Variants in NID1 observed in about 807,000 individuals in gnomAD.
The protein encoded by NID1 is nidogen 1, also known as nidogen-1.
NID1 carries 76 observed loss-of-function variants against 130.6 expected under a neutral mutation model. That is an observed-to-expected ratio of 0.58 (90% CI 0.48 to 0.70). The LOEUF is 0.70. NID1 is among the 30% of genes least tolerant of loss of function. The pLI is 0.00. For synonymous variants in NID1, 665 were observed against 675.1 expected (o/e 0.98, Z 0.23); for missense variants, 1,517 against 1,664.8 (o/e 0.91, Z 1.54).
intron 10 of NID1, among the ~76,000 whole-genome samples, chr1:236,015,831 T>C (rs541408366): frequency 9.2e-5 from 14 of 151,612 alleles, no homozygotes; most frequent in East Asian, 1.9e-4. Flanking sequence ...CCCAGAGAGG[T>C]TGTCTTCCTC....
At chr1:236,012,558 CAAAAAAA>C (rs56183830) in intron 11 of NID1, among the ~76,000 whole-genome samples, 5 of 98,078 alleles carry the variant, frequency 5.1e-5, no homozygotes, top group East Asian at 2.7e-4. Context: ...AATGCCATCT[CAAAAAAA>C]AAAAAAAAAA....
At position 235,993,669 on chromosome 1, in the gene NID1, T is replaced by G. The variant is rs1330358747; in HGVS notation, c.2731A>C (p.Thr911Pro). The G allele has an allele frequency of 6.4e-7, 1 of 1,571,300 alleles. No individual in the cohort carries two copies. Among genetic ancestry groups the G allele is most frequent in the Admixed American group, 1.8e-5 (1 of 56,066 alleles). ...RDGREVEGTR[T>P]RPGMTPPCLS... is the part of the protein sequence containing the mutation. ...CACGGGGGCGTCATCCCGGGCCTGG[T>G]CCTGGTGCCCTCCACCTCGCGGCCG... is the stretch of plus-strand genomic sequence containing the variant. Residue 911 changes from threonine (T) to proline (P), a missense_variant, in exon 13 of 20, where the codon ACC (threonine) becomes CCC (proline). Physicochemically the swap from Thr to Pro is conservative, Grantham distance 38. This residue lies in a region of NID1 where 1,329 missense variants were observed against 1,429.2 expected (regional missense o/e 0.93). Transcript: ENST00000264187.
chr1:236,005,450 T>A (rs1016919841), intron 12 of NID1, among the ~76,000 whole-genome samples: 1 of 152,214 alleles, frequency 6.6e-6, no homozygotes, highest in African/African-American at 2.4e-5. Context: ...GTCTGTTTTT[T>A]CTGATTGCAA....
chr1:236,026,861 C>A (rs1658947603), intron 7 of NID1, among the ~76,000 whole-genome samples: 5 of 152,008 alleles, frequency 3.3e-5, no homozygotes, highest in Admixed American at 3.3e-4. Context: ...ACCTCAGCCT[C>A]CCAAGTAGCT....
chr1:236,003,995 T>G (rs575546024), intron 12 of NID1, among the ~76,000 whole-genome samples: 1 of 140,772 alleles, frequency 7.1e-6, no homozygotes, highest in East Asian at 2.1e-4. Flanking sequence ...ATTGCGCCAC[T>G]GCACTCCAGC....
intron 2 of NID1, among the ~76,000 whole-genome samples, chr1:236,046,059 G>A (rs1481403104): frequency 1.3e-5 from 2 of 152,080 alleles, no homozygotes; most frequent in African/African-American, 2.4e-5. Context: ...CGCATTCATC[G>A]TTTAACAAAC....
intron 15 of NID1, 61 bp from the exon 16 acceptor site, chr1:235,981,843 TTTTCTGAATACTCAATGTTA>T: frequency 1.4e-6 from 2 of 1,454,020 alleles, no homozygotes; most frequent in Non-Finnish European, 1.9e-6. Context: ...GAGATGAGGT[TTTTCTGAATACTCAATGTTA>T]TTTCACATGG....
At chr1:235,996,431 G>A (rs1657923529) in intron 12 of NID1, among the ~76,000 whole-genome samples, 2 of 151,938 alleles carry the variant, frequency 1.3e-5, no homozygotes, top group Non-Finnish European at 2.9e-5. Flanking sequence ...TTTTAATTCT[G>A]TCCATTTTCA....
At chr1:236,057,914 C>T (rs372953910) in intron 1 of NID1, among the ~76,000 whole-genome samples, 1 of 152,206 alleles carries the variant, frequency 6.6e-6, no homozygotes, top group East Asian at 1.9e-4. Context: ...TTCTGTCTGC[C>T]CCTCTCTCTA....
intron 7 of NID1, 106 bp downstream of exon 7, chr1:236,029,444 T>G (rs1659032127): frequency 9.2e-7 from 1 of 1,086,700 alleles, no homozygotes; most frequent in Non-Finnish European, 1.3e-6. Flanking sequence ...TGTATTTCCC[T>G]CTCCAGATCC....
At chr1:236,048,371 T>A (rs1021841308) in intron 2 of NID1, among the ~76,000 whole-genome samples, 1 of 140,122 alleles carries the variant, frequency 7.1e-6, no homozygotes, top group Non-Finnish European at 1.6e-5. Context: ...ATAAATAAAT[T>A]ATCCTTCCAC....
At position 235,999,674 on chromosome 1, in the gene NID1, A is replaced by G. The variant is rs2102806452; in HGVS notation, c.2528-5802T>C. Among the ~76,000 whole-genome samples, 2 of 152,248 alleles carry G rather than the reference A, an allele frequency of 1.3e-5. 1 individual carries two copies. Among genetic ancestry groups the G allele is most frequent in the South Asian group, 4.2e-4 (2 of 4,818 alleles). Reference sequence around the variant, plus strand: ...GGGAAGAAAGCATTCAAGACCTGATACTTATCTGAGGAGTGGCAGGAAGTC... The same window carrying G: ...GGGAAGAAAGCATTCAAGACCTGATGCTTATCTGAGGAGTGGCAGGAAGTC... On this transcript the variant is annotated intron_variant, in intron 12 of 19. Transcript: ENST00000264187.
In NID1 at chr1:236,038,133, G is replaced by C. The variant is rs142173188; in HGVS notation, c.1256C>G (p.Thr419Arg). The change falls in exon 5 of 20, where the codon ACG (threonine) becomes AGG (arginine). Residue 419 changes from threonine (T) to arginine (R), a missense_variant. Transcript: ENST00000264187. ...TGCAACACATTGCCTGCCATTGCCCGTATAGCCAGCGACACAGCTGCAGCA... is the reference window on the plus strand; with the variant it reads ...TGCAACACATTGCCTGCCATTGCCCCTATAGCCAGCGACACAGCTGCAGCA... ...GFCCSCVAGY[T>R]GNGRQCVAEG... 1 of 1,606,086 alleles carries C rather than the reference G, an allele frequency of 6.2e-7. No homozygotes were observed. Among genetic ancestry groups the C allele is most frequent in the South Asian group, 1.1e-5 (1 of 90,532 alleles).
chr1:236,012,578 A>AAAAAAAAAAAAAAG (rs1553343926), intron 11 of NID1, among the ~76,000 whole-genome samples: 3 of 99,544 alleles, frequency 3.0e-5, no homozygotes, highest in African/African-American at 4.4e-5. Context: ...AAAAAAAAAA[A>AAAAAAAAAAAAAAG]AAAGAAAGAA....
At chr1:236,039,301 A>G (rs1434055649) in intron 4 of NID1, among the ~76,000 whole-genome samples, 1 of 151,116 alleles carries the variant, frequency 6.6e-6, no homozygotes, top group East Asian at 1.9e-4. Flanking sequence ...CAACCTTAAA[A>G]TATGTACATA....
At chr1:236,046,910 G>T (rs1002439573) in intron 2 of NID1, among the ~76,000 whole-genome samples, 4 of 152,204 alleles carry the variant, frequency 2.6e-5, no homozygotes, top group African/African-American at 9.6e-5. Flanking sequence ...AGCGGGGGAA[G>T]GGAAGAGGTA....
chr1:236,029,494 G>C lies in NID1; in HGVS notation c.1738+56C>G. ...GTTCACGGCTGCCGTGGTGGGTCAA[G>C]AGCACGAGGCTAGTGGCCGGTCTGG... On this transcript the variant is annotated intron_variant, in intron 7 of 19. Transcript: ENST00000264187. The C allele has an allele frequency of 2.0e-6, 3 of 1,515,948 alleles. No individual in the cohort carries two copies. The South Asian group carries it at 3.6e-5, about 18-fold the overall frequency. The allele number at this position is 1,515,948 out of a possible 1,614,324, so 93.9% of individuals were successfully genotyped here. A position where few individuals can be genotyped will look rare whatever the true frequency, so the allele number is the denominator to read the frequency against.
At chr1:236,022,907 C>T (rs986404492) in intron 9 of NID1, among the ~76,000 whole-genome samples, 5 of 151,414 alleles carry the variant, frequency 3.3e-5, no homozygotes, top group African/African-American at 9.7e-5. Flanking sequence ...ACTAAAAATA[C>T]AAAAATTAGC....
chr1:236,033,457 C>A (rs1344459828), intron 5 of NID1, among the ~76,000 whole-genome samples: 2 of 152,172 alleles, frequency 1.3e-5, no homozygotes, highest in African/African-American at 4.8e-5. Flanking sequence ...TACAGTCCCA[C>A]CACCCAGCGT....
Sources: gnomAD v4.1 joint callset for allele counts (sites outside exome capture counted in the v4.1 genomes callset) on GRCh38, gnomAD v4.1.1 for gene constraint, gnomAD v4.1.1 regional missense constraint, MANE v1.5 for transcripts, NCBI Gene and HGNC (gene_info 2026-07-23, HGNC 2026-07-21) for gene names.